ANGPT1: variants seen among roughly 807,000 people sequenced by gnomAD.
ANGPT1 encodes the protein angiopoietin-1.
ANGPT1 carries 17 observed loss-of-function variants against 62.2 expected under a neutral mutation model. That is an observed-to-expected ratio of 0.27 (90% CI 0.19 to 0.41). The LOEUF (loss-of-function observed/expected upper bound fraction) is 0.41, where lower values mean the gene tolerates loss of function less well. ANGPT1 is among the 10% of genes least tolerant of loss of function. ANGPT1 has a pLI of 1.00. For synonymous variants in ANGPT1, 199 were observed against 198.9 expected (o/e 1.00, Z 0.00); for missense variants, 478 against 594.9 (o/e 0.80, Z 2.04).
intron 3 of ANGPT1, among the ~76,000 whole-genome samples, chr8:107,328,845 G>C (rs890219424): frequency 1.3e-5 from 2 of 151,798 alleles, no homozygotes; most frequent in African/African-American, 4.8e-5. Context: ...AAGATAACTT[G>C]TGAATATCTA....
chr8:107,492,927 C>T (rs746757473), intron 1 of ANGPT1, among the ~76,000 whole-genome samples: 7 of 150,308 alleles, frequency 4.7e-5, no homozygotes, highest in Non-Finnish European at 7.4e-5. Flanking sequence ...CCCTACTGTA[C>T]TGAACAAGAA....
At chr8:107,314,882 C>T (rs1367178193) in intron 4 of ANGPT1, among the ~76,000 whole-genome samples, 1 of 152,190 alleles carries the variant, frequency 6.6e-6, no homozygotes, top group Non-Finnish European at 1.5e-5. Flanking sequence ...TTCCTCCCAT[C>T]ACTTGTGATG....
chr8:107,301,106 T>G (rs1451723609), intron 5 of ANGPT1, among the ~76,000 whole-genome samples: 1 of 151,904 alleles, frequency 6.6e-6, no homozygotes, highest in African/African-American at 2.4e-5. Context: ...AAGCTGTATT[T>G]GTACTGCACC....
At position 107,350,302 on chromosome 8, in the gene ANGPT1, C is replaced by T. The variant is rs183151278; in HGVS notation, c.298-3205G>A. Among the ~76,000 whole-genome samples, 5 of 152,246 alleles carry T rather than the reference C, an allele frequency of 3.3e-5. No homozygotes were observed. The East Asian group carries it at 7.7e-4, about 24-fold the overall frequency. ...CAAATTTTCCTCCTGAGAGAGTTCA[C>T]TAATCAGTGAGCTCCAATACAAGAT... On this transcript the variant is annotated intron_variant, in intron 1 of 8. Coordinates refer to ENST00000517746, the MANE Select transcript of ANGPT1 (RefSeq NM_001146.5).
chr8:107,289,392 A>C (rs1162027307), intron 6 of ANGPT1, among the ~76,000 whole-genome samples: 1 of 152,184 alleles, frequency 6.6e-6, no homozygotes, highest in Non-Finnish European at 1.5e-5. Flanking sequence ...GCTCTCAGGA[A>C]GCGTTGACTT....
At chr8:107,324,060 T>C (rs956271306) in intron 3 of ANGPT1, among the ~76,000 whole-genome samples, 5 of 151,640 alleles carry the variant, frequency 3.3e-5, no homozygotes, top group African/African-American at 4.9e-5. Context: ...ATTACAGGCA[T>C]GAGCCACTGT....
chr8:107,444,821 T>C (rs760754732), intron 1 of ANGPT1, among the ~76,000 whole-genome samples: 2 of 152,064 alleles, frequency 1.3e-5, no homozygotes, highest in Non-Finnish European at 2.9e-5. Context: ...TCATGGGAGA[T>C]AAATTGCACC....
At chr8:107,296,872 T>G (rs1478753889) in intron 5 of ANGPT1, among the ~76,000 whole-genome samples, 3 of 152,086 alleles carry the variant, frequency 2.0e-5, no homozygotes, top group Non-Finnish European at 4.4e-5. Context: ...TTTATAAATG[T>G]AGAGTGCAGA....
intron 1 of ANGPT1, among the ~76,000 whole-genome samples, chr8:107,439,928 G>T (rs1811429660): frequency 6.6e-6 from 1 of 152,186 alleles, no homozygotes; most frequent in South Asian, 2.1e-4. Flanking sequence ...CTCGGTATTA[G>T]TCTGGACATG....
intron 1 of ANGPT1, among the ~76,000 whole-genome samples, chr8:107,408,951 A>G (rs1817204630): frequency 6.6e-6 from 1 of 152,238 alleles, no homozygotes; most frequent in Admixed American, 6.5e-5. Context: ...ATAATAAATT[A>G]TACTCCAACA....
intron 1 of ANGPT1, among the ~76,000 whole-genome samples, chr8:107,485,773 C>T (rs1812798527): frequency 6.6e-6 from 1 of 152,188 alleles, no homozygotes; most frequent in African/African-American, 2.4e-5. Flanking sequence ...AGCAGGATTG[C>T]CTACAGATAA....
chr8:107,421,307 G>T (rs1426928217), intron 1 of ANGPT1, among the ~76,000 whole-genome samples: 1 of 152,088 alleles, frequency 6.6e-6, no homozygotes, highest in Non-Finnish European at 1.5e-5. Context: ...AGTAGTATTA[G>T]TCACAGTTTG....
At chr8:107,366,461 G>A (rs1816275210) in intron 1 of ANGPT1, among the ~76,000 whole-genome samples, 1 of 151,956 alleles carries the variant, frequency 6.6e-6, no homozygotes, top group Non-Finnish European at 1.5e-5. Flanking sequence ...AAATATAACT[G>A]GCAAAACCTG....
intron 8 of ANGPT1, among the ~76,000 whole-genome samples, chr8:107,260,720 A>G (rs991556242): frequency 6.6e-6 from 1 of 152,190 alleles, no homozygotes; most frequent in African/African-American, 2.4e-5. Flanking sequence ...TCAAAGGGAC[A>G]TTTGATAAGG....
At chr8:107,417,883 A>G in intron 1 of ANGPT1, among the ~76,000 whole-genome samples, 1 of 152,340 alleles carries the variant, frequency 6.6e-6, no homozygotes, top group East Asian at 1.9e-4. Flanking sequence ...GTAAGTCTAC[A>G]GTGTGAAATG....
intron 8 of ANGPT1, among the ~76,000 whole-genome samples, chr8:107,258,200 T>C (rs2022959): frequency 0.19 from 29,363 of 151,922 alleles, 3,022 homozygotes; most frequent in East Asian, 0.32. Context: ...GTCATCCCTT[T>C]TAATGGAGGC....
chr8:107,478,507 C>A (rs1029613801), intron 1 of ANGPT1, among the ~76,000 whole-genome samples: 1 of 152,042 alleles, frequency 6.6e-6, no homozygotes, highest in African/African-American at 2.4e-5. Flanking sequence ...TGAGATCGCA[C>A]GGCTGCACTC....
intron 1 of ANGPT1, among the ~76,000 whole-genome samples, chr8:107,378,154 A>G (rs1207759402): frequency 6.6e-6 from 1 of 152,218 alleles, no homozygotes; most frequent in Non-Finnish European, 1.5e-5. Context: ...ATCAGCCTTC[A>G]TAGGGTTTAG....
chr8:107,276,504 T>G (rs1201360826), intron 7 of ANGPT1, among the ~76,000 whole-genome samples: 1 of 152,164 alleles, frequency 6.6e-6, no homozygotes, highest in Admixed American at 6.6e-5. Flanking sequence ...GAAACAAGTT[T>G]TGCAATATCT....
Sources: gnomAD v4.1 joint callset for allele counts (sites outside exome capture counted in the v4.1 genomes callset) on GRCh38, gnomAD v4.1.1 for gene constraint, MANE v1.5 for transcripts, NCBI Gene and HGNC (gene_info 2026-07-23, HGNC 2026-07-21) for gene names.